Variants in RPA1 observed in about 807,000 individuals in gnomAD.
RPA1 encodes replication protein A1.
A neutral mutation model predicts 83.0 loss-of-function variants in RPA1; 49 were observed. That is an observed-to-expected ratio of 0.59 (90% CI 0.47 to 0.75). RPA1 has a LOEUF of 0.75. Ranked by LOEUF, RPA1 falls within the 30% of genes least tolerant of loss-of-function variation. RPA1 has a pLI of 0.00. For synonymous variants in RPA1, 279 were observed against 281.8 expected, an observed-to-expected ratio of 0.99 and a Z score of 0.10; for missense variants, 693 against 776.1, an observed-to-expected ratio of 0.89 and a Z score of 1.27.
chr17:1,872,389 CCCAAAT>C (rs762078735), intron 5 of RPA1, 39 bp from the exon 6 acceptor site: 35 of 1,602,200 alleles, frequency 2.2e-5, no homozygotes, highest in Non-Finnish European at 2.8e-5. Context: ...AATCTCTTAA[CCCAAAT>C]CCTTTGCACT....
chr17:1,838,484 C>G (rs1481025394), intron 1 of RPA1, among the ~76,000 whole-genome samples: 2 of 150,902 alleles, frequency 1.3e-5, no homozygotes, highest in Admixed American at 6.6e-5. Context: ...ATGCCTGTAA[C>G]CTCAGCTACT....
intron 13 of RPA1, among the ~76,000 whole-genome samples, chr17:1,886,315 G>A (rs1380505403): frequency 6.6e-6 from 1 of 152,186 alleles, no homozygotes; most frequent in African/African-American, 2.4e-5. Context: ...TAAAGCAGAG[G>A]CAAAGTAGAT....
chr17:1,852,562 C>T (rs764170556), intron 4 of RPA1, among the ~76,000 whole-genome samples: 3 of 152,138 alleles, frequency 2.0e-5, no homozygotes, highest in African/African-American at 4.8e-5. Context: ...GGGCAGGCAG[C>T]GGCACGGGAG....
At chr17:1,857,970 A>C in intron 5 of RPA1, 3 of 1,582,338 alleles carry the variant, frequency 1.9e-6, no homozygotes, top group Non-Finnish European at 2.6e-6. Flanking sequence ...GCTGGAGATA[A>C]GAATGACAAA....
At chr17:1,870,188 A>C (rs1471112046) in intron 5 of RPA1, among the ~76,000 whole-genome samples, 1 of 152,188 alleles carries the variant, frequency 6.6e-6, no homozygotes, top group African/African-American at 2.4e-5. Context: ...GCACTGTAGC[A>C]ATGCACGTAC....
chr17:1,869,224 G>T (rs1037005963), intron 5 of RPA1, among the ~76,000 whole-genome samples: 1 of 152,178 alleles, frequency 6.6e-6, no homozygotes, highest in African/African-American at 2.4e-5. Flanking sequence ...AATTTGAGGT[G>T]CTAAGAGTCT....
At chr17:1,852,147 C>T (rs1912518421) in intron 4 of RPA1, among the ~76,000 whole-genome samples, 1 of 152,168 alleles carries the variant, frequency 6.6e-6, no homozygotes, top group African/African-American at 2.4e-5. Context: ...TTGTGATATG[C>T]TCATCAAGTA....
chr17:1,848,038 A>T (rs1017190638), intron 4 of RPA1, among the ~76,000 whole-genome samples: 4 of 152,058 alleles, frequency 2.6e-5, no homozygotes, highest in African/African-American at 9.7e-5. Context: ...CTCTGAATAG[A>T]CAAATCCATA....
intron 4 of RPA1, among the ~76,000 whole-genome samples, chr17:1,845,161 T>TG (rs1491050297): frequency 2.2e-3 from 147 of 68,114 alleles, no homozygotes; most frequent in African/African-American, 6.7e-3. Flanking sequence ...GTAATGCTGC[T>TG]TTGTGTGTGT....
intron 5 of RPA1, among the ~76,000 whole-genome samples, chr17:1,864,202 G>T (rs1268036800): frequency 2.6e-5 from 4 of 152,208 alleles, no homozygotes; most frequent in Non-Finnish European, 5.9e-5. Context: ...GTGCTTAGCT[G>T]GTTCCCACTG....
chr17:1,870,954 G>A (rs1913356496), intron 5 of RPA1, among the ~76,000 whole-genome samples: 1 of 152,152 alleles, frequency 6.6e-6, no homozygotes, highest in Admixed American at 6.5e-5. Context: ...CATGAAGCAG[G>A]TAAAGATACA....
In RPA1 at chr17:1,849,017, C is replaced by T. The variant is rs567315547; in HGVS notation, c.273-4084C>T. ...TGTGTACAAGTTTTTTGTGGACAGA[C>T]GTTTCCATTTCTTTTATAGATAATC... On this transcript the variant is annotated intron_variant, in intron 4 of 16. Transcript: ENST00000254719. 3.3e-5 allele frequency among the ~76,000 whole-genome samples: 5 copies of T among 152,150 alleles called. No individual in the cohort carries two copies. The East Asian group carries it at 9.6e-4, about 29-fold the overall frequency.
At chr17:1,863,631 G>A (rs558556997) in intron 5 of RPA1, among the ~76,000 whole-genome samples, 2 of 152,194 alleles carry the variant, frequency 1.3e-5, no homozygotes, top group South Asian at 4.1e-4. Context: ...CTGGGATTAC[G>A]AACGTGAGCC....
chr17:1,862,798 T>A (rs1457355455), intron 5 of RPA1, among the ~76,000 whole-genome samples: 1 of 135,940 alleles, frequency 7.4e-6, no homozygotes, highest in Admixed American at 8.5e-5. Context: ...CTCCGCTCAC[T>A]GCAACCTCCC....
chr17:1,876,876 A>G (rs781671480), intron 7 of RPA1, among the ~76,000 whole-genome samples: 4 of 152,238 alleles, frequency 2.6e-5, no homozygotes, highest in Non-Finnish European at 4.4e-5. Context: ...GTGGCAAAAT[A>G]TAATTGCTGG....
intron 13 of RPA1, among the ~76,000 whole-genome samples, chr17:1,886,074 G>A (rs1440453832): frequency 6.6e-6 from 1 of 152,032 alleles, no homozygotes; most frequent in Non-Finnish European, 1.5e-5. Flanking sequence ...TCCTTGTACT[G>A]TGTGTCTCCA....
chr17:1,877,193 T>C lies in RPA1; in HGVS notation c.588-19T>C, dbSNP rs1296012562. ...CCAAGGAAGACCCCATACACTAATATGATCGATTTGGTTTGTAGGTGGACC... is the reference window on the plus strand; with the variant it reads ...CCAAGGAAGACCCCATACACTAATACGATCGATTTGGTTTGTAGGTGGACC... On this transcript the variant is annotated intron_variant, in intron 7 of 16. Coordinates refer to ENST00000254719, the MANE Select transcript of RPA1 (RefSeq NM_002945.5). The C allele has an allele frequency of 6.2e-7, 1 of 1,610,194 alleles. No homozygotes were observed. The highest frequency in any genetic ancestry group is 1.1e-5 in the South Asian group (1 of 90,984).
intron 1 of RPA1, among the ~76,000 whole-genome samples, chr17:1,835,167 GAC>G (rs1428892052): frequency 3.3e-5 from 5 of 151,802 alleles, no homozygotes; most frequent in Admixed American, 3.3e-4. Flanking sequence ...TTTTTTAAAT[GAC>G]AGAGTCTTGT....
In RPA1 at chr17:1,875,218, A is replaced by G. The variant is rs1913529872; in HGVS notation, c.455-443A>G. Among the ~76,000 whole-genome samples the G allele has an allele frequency of 2.6e-5, 4 of 152,344 alleles. 1 individual carries two copies. Among genetic ancestry groups the G allele is most frequent in the Admixed American group, 2.6e-4 (4 of 15,308 alleles). On this transcript the variant is annotated intron_variant, in intron 6 of 16. Coordinates refer to ENST00000254719, the MANE Select transcript of RPA1 (RefSeq NM_002945.5). ...TTGTCTGGGGATTTGGAGGCGATCTATTTGTGATAGGTCCCTTACATCCTG... is the reference window on the plus strand; with the variant it reads ...TTGTCTGGGGATTTGGAGGCGATCTGTTTGTGATAGGTCCCTTACATCCTG...
Sources: allele counts gnomAD v4.1 joint callset (sites outside exome capture counted in the v4.1 genomes callset), GRCh38; gene constraint gnomAD v4.1.1; transcripts MANE v1.5; gene names NCBI Gene and HGNC (gene_info 2026-07-23, HGNC 2026-07-21).